ALCAM: variants seen among roughly 807,000 people sequenced by gnomAD.
The protein encoded by ALCAM is activated leukocyte cell adhesion molecule.
In ALCAM, 30 loss-of-function variants were observed where a neutral mutation model predicts 70.9. The observed-to-expected ratio is 0.42, with a 90% confidence interval of 0.32 to 0.57. The LOEUF is 0.57. Among genes scored for constraint, ALCAM ranks in the 20% least tolerant of loss-of-function variants. The probability of loss-of-function intolerance (pLI) is 0.11; values close to 1 mark genes in which losing one functional copy is unlikely to be tolerated. For missense variants in ALCAM, 591 were observed against 695.1 expected, an observed-to-expected ratio of 0.85 and a Z score of 1.68; for synonymous variants, 249 against 242.5, an observed-to-expected ratio of 1.03 and a Z score of -0.25.
rs914988799 is a variant in ALCAM, at chr3:105,499,379, T to A, written c.74-20688T>A. ...ATTGTAGCAAAAAAGGAAGAAATTATGTGACTCTTTCATACTATAATATTA... is the reference window on the plus strand; with the variant it reads ...ATTGTAGCAAAAAAGGAAGAAATTAAGTGACTCTTTCATACTATAATATTA... On this transcript the variant is annotated intron_variant, in intron 1 of 15. Coordinates refer to ENST00000306107, the MANE Select transcript of ALCAM (RefSeq NM_001627.4). Among the ~76,000 whole-genome samples, 8 of 152,326 alleles carry A rather than the reference T, an allele frequency of 5.3e-5. No individual in the cohort carries two copies. The East Asian group carries it at 1.5e-3, about 29-fold the overall frequency.
chr3:105,463,247 A>G (rs986539460), intron 1 of ALCAM, among the ~76,000 whole-genome samples: 1 of 151,418 alleles, frequency 6.6e-6, no homozygotes, highest in Non-Finnish European at 1.5e-5. Flanking sequence ...TCCTATTTCT[A>G]CTGCATCAGC....
At chr3:105,440,336 T>C (rs1937144381) in intron 1 of ALCAM, among the ~76,000 whole-genome samples, 1 of 152,326 alleles carries the variant, frequency 6.6e-6, no homozygotes, top group East Asian at 1.9e-4. Context: ...ACAATTCTAA[T>C]GTCAATAAGC....
intron 1 of ALCAM, among the ~76,000 whole-genome samples, chr3:105,485,396 T>TGTGTGTGC (rs397990703): frequency 6.3e-5 from 9 of 143,324 alleles, no homozygotes; most frequent in African/African-American, 1.8e-4. Flanking sequence ...TGTGTGTGTG[T>TGTGTGTGC]GCGCGCACAT....
At chr3:105,438,268 T>C (rs1337733298) in intron 1 of ALCAM, among the ~76,000 whole-genome samples, 2 of 152,126 alleles carry the variant, frequency 1.3e-5, no homozygotes, top group African/African-American at 4.8e-5. Context: ...CTTTATACTA[T>C]ACTTAACATG....
intron 14 of ALCAM, among the ~76,000 whole-genome samples, chr3:105,561,729 C>CATTTT: frequency 6.6e-6 from 1 of 152,104 alleles, no homozygotes; most frequent in Non-Finnish European, 1.5e-5. Flanking sequence ...GAAAGATTCA[C>CATTTT]AGAACTTACT....
intron 1 of ALCAM, among the ~76,000 whole-genome samples, chr3:105,432,172 T>C (rs1027500916): frequency 6.6e-6 from 1 of 152,206 alleles, no homozygotes; most frequent in Admixed American, 6.5e-5. Context: ...AATAGAGTTA[T>C]TGACAATTGC....
chr3:105,377,007 C>T (rs1935395185), intron 1 of ALCAM, among the ~76,000 whole-genome samples: 1 of 152,056 alleles, frequency 6.6e-6, no homozygotes, highest in Non-Finnish European at 1.5e-5. Flanking sequence ...AAAAGGATGT[C>T]TTTGTCTTAT....
chr3:105,518,994 C>T (rs1041569803), intron 1 of ALCAM, among the ~76,000 whole-genome samples: 4 of 152,006 alleles, frequency 2.6e-5, no homozygotes, highest in Admixed American at 6.6e-5. Flanking sequence ...TTATGTGTTG[C>T]AGATTGCCGT....
At chr3:105,488,174 C>G (rs943404546) in intron 1 of ALCAM, among the ~76,000 whole-genome samples, 2 of 152,134 alleles carry the variant, frequency 1.3e-5, no homozygotes, top group African/African-American at 4.8e-5. Flanking sequence ...GGCTCCCCTT[C>G]CCTTTCTGCT....
chr3:105,505,458 G>GGCC (rs1367978888), intron 1 of ALCAM, among the ~76,000 whole-genome samples: 1 of 152,088 alleles, frequency 6.6e-6, no homozygotes, highest in Non-Finnish European at 1.5e-5. Flanking sequence ...CCATAATCCA[G>GGCC]TCACCTCCTA....
At chr3:105,497,324 T>C (rs1210043901) in intron 1 of ALCAM, among the ~76,000 whole-genome samples, 1 of 152,196 alleles carries the variant, frequency 6.6e-6, no homozygotes, top group Non-Finnish European at 1.5e-5. Flanking sequence ...CTTTAAGTTC[T>C]TTTGCCTTCA....
intron 1 of ALCAM, among the ~76,000 whole-genome samples, chr3:105,438,679 A>G (rs1937105804): frequency 6.6e-6 from 1 of 152,212 alleles, no homozygotes; most frequent in Non-Finnish European, 1.5e-5. Flanking sequence ...AATGTCAAAT[A>G]CTTGTCTCTG....
chr3:105,569,048 G>C (rs910187627), intron 14 of ALCAM, among the ~76,000 whole-genome samples: 1 of 151,810 alleles, frequency 6.6e-6, no homozygotes, highest in Non-Finnish European at 1.5e-5. Context: ...AGTAGTCACT[G>C]TCCTGATGTA....
At chr3:105,389,230 C>T (rs9830535) in intron 1 of ALCAM, among the ~76,000 whole-genome samples, 3 of 151,288 alleles carry the variant, frequency 2.0e-5, no homozygotes, top group African/African-American at 7.3e-5. Context: ...CTACAATTTT[C>T]TTTATCCTTA....
chr3:105,467,539 C>T (rs989600237), intron 1 of ALCAM, among the ~76,000 whole-genome samples: 4 of 151,146 alleles, frequency 2.6e-5, no homozygotes, highest in Non-Finnish European at 5.9e-5. Context: ...GTTAACTTCT[C>T]ATATTATAAT....
At chr3:105,557,140 A>G (rs1393088113) in intron 14 of ALCAM, among the ~76,000 whole-genome samples, 1 of 152,080 alleles carries the variant, frequency 6.6e-6, no homozygotes, top group Non-Finnish European at 1.5e-5. Flanking sequence ...AATTGGTACT[A>G]TGGAGGAAAG....
chr3:105,515,783 A>G (rs1295852586), intron 1 of ALCAM, among the ~76,000 whole-genome samples: 1 of 152,084 alleles, frequency 6.6e-6, no homozygotes, highest in Non-Finnish European at 1.5e-5. Flanking sequence ...TTAGAGTTGT[A>G]CATATCCTAA....
intron 3 of ALCAM, chr3:105,525,061 T>A: frequency 1.1e-6 from 1 of 878,708 alleles, no homozygotes; most frequent in Non-Finnish European, 1.4e-6. Context: ...TTATATATAT[T>A]AGAGATATAG....
chr3:105,408,500 T>C (rs890715777), intron 1 of ALCAM, among the ~76,000 whole-genome samples: 4 of 152,230 alleles, frequency 2.6e-5, no homozygotes, highest in Middle Eastern at 3.4e-3. Flanking sequence ...GCAAGCCACA[T>C]GTGGAAGAAT....
Sources: allele counts gnomAD v4.1 joint callset (sites outside exome capture counted in the v4.1 genomes callset), GRCh38; gene constraint gnomAD v4.1.1; transcripts MANE v1.5; gene names NCBI Gene and HGNC (gene_info 2026-07-23, HGNC 2026-07-21).